Variants in LAMA1 observed in about 807,000 individuals in gnomAD.
LAMA1 encodes laminin subunit alpha-1.
In LAMA1, 219 loss-of-function variants were observed where a neutral mutation model predicts 348.7. The ratio of observed to expected loss-of-function variants is 0.63; its 90% CI spans 0.56 to 0.70. The LOEUF is 0.70. Among genes scored for constraint, LAMA1 ranks in the 30% least tolerant of loss-of-function variants. The pLI, the probability that LAMA1 is intolerant of heterozygous loss-of-function variation, is 0.00. For missense variants in LAMA1, 3,744 were observed against 3,888.0 expected, an observed-to-expected ratio of 0.96 and a Z score of 0.99; for synonymous variants, 1,487 against 1,491.0, an observed-to-expected ratio of 1.00 and a Z score of 0.06.
chr18:7,036,264 A>G (rs1421627992), intron 12 of LAMA1, among the ~76,000 whole-genome samples, 176 bp from the exon 13 acceptor site: 1 of 152,248 alleles, frequency 6.6e-6, no homozygotes, highest in African/African-American at 2.4e-5. Flanking sequence ...ATATTCATAA[A>G]CATTTTGGTT....
chr18:7,009,494 G>A, intron 26 of LAMA1, 128 bp from the exon 27 acceptor site: 2 of 1,023,752 alleles, frequency 2.0e-6, no homozygotes, highest in African/African-American at 1.6e-5. Context: ...GCCACTGAGT[G>A]TAACTGACAA....
In LAMA1 at chr18:6,978,307, T is replaced by G; in HGVS notation, c.6079A>C (p.Arg2027=). 6.2e-7 allele frequency: 1 copy of G among 1,614,238 alleles called. No individual in the cohort carries two copies. Among genetic ancestry groups the G allele is most frequent in the Non-Finnish European group, 8.5e-7 (1 of 1,180,046 alleles). The change falls in exon 43 of 63, where the codon AGG becomes CGG. Residue 2027 remains arginine, a synonymous_variant. Transcript: ENST00000389658. ...SASQSAVSTL[R]DVAGLSQELL... ...TCCTGGCTCAGCCCCGCCACGTCCCTCAGCGTGCTCACCGCGCTCTGGCTT... is the reference window on the plus strand; with the variant it reads ...TCCTGGCTCAGCCCCGCCACGTCCCGCAGCGTGCTCACCGCGCTCTGGCTT...
intron 3 of LAMA1, among the ~76,000 whole-genome samples, chr18:7,057,805 T>A (rs947927085): frequency 6.8e-6 from 1 of 147,514 alleles, no homozygotes; most frequent in Non-Finnish European, 1.5e-5. Flanking sequence ...TTTCTTTTTT[T>A]TTTTTTTGAG....
Position 6,959,332 on chromosome 18 carries a change from T to G in LAMA1, c.7778+9A>C. On this transcript the variant is annotated intron_variant, in intron 54 of 62. Transcript: ENST00000389658. ...CTTCATTACACACTGCCTGGCCGCG[T>G]GCAAGTACCTCCGATTCCTGACCAA... The G allele has an allele frequency of 6.2e-7, 1 of 1,614,086 alleles. No homozygotes were observed. Among genetic ancestry groups the G allele is most frequent in the Non-Finnish European group, 8.5e-7 (1 of 1,180,010 alleles).
intron 1 of LAMA1, among the ~76,000 whole-genome samples, chr18:7,084,473 T>G (rs1254341053): frequency 6.6e-6 from 1 of 152,184 alleles, no homozygotes; most frequent in Non-Finnish European, 1.5e-5. Flanking sequence ...AGTCTGCATG[T>G]TTTTTGTTGA....
intron 19 of LAMA1, among the ~76,000 whole-genome samples, chr18:7,018,181 C>T (rs916184084): frequency 2.0e-5 from 3 of 151,228 alleles, no homozygotes; most frequent in Admixed American, 1.3e-4. Context: ...ACTAAAAATA[C>T]AAAAATTAGC....
chr18:7,041,597 G>C (rs963394812), intron 9 of LAMA1, among the ~76,000 whole-genome samples: 4 of 152,208 alleles, frequency 2.6e-5, no homozygotes, highest in African/African-American at 9.6e-5. Context: ...CAATTTGCCA[G>C]TTTTTGAAAC....
intron 24 of LAMA1, 53 bp from the exon 25 acceptor site, chr18:7,011,532 C>T (rs1406299928): frequency 8.8e-6 from 13 of 1,480,476 alleles, no homozygotes; most frequent in Admixed American, 2.0e-5. Context: ...CTTTCCACTC[C>T]AGTTTCATTC....
chr18:7,022,722 T>A (rs943736710), intron 19 of LAMA1, among the ~76,000 whole-genome samples: 2 of 152,172 alleles, frequency 1.3e-5, no homozygotes, highest in Non-Finnish European at 2.9e-5. Context: ...AGGGCTAAGA[T>A]GCACCACACG....
chr18:7,097,939 C>T (rs2058269258), intron 1 of LAMA1, among the ~76,000 whole-genome samples: 1 of 151,014 alleles, frequency 6.6e-6, no homozygotes, highest in South Asian at 2.1e-4. Flanking sequence ...GCTGCCATCT[C>T]GGCTCACTGC....
At chr18:7,043,451 T>C (rs1441768168) in intron 7 of LAMA1, 46 bp from the exon 8 acceptor site, 1 of 1,526,150 alleles carries the variant, frequency 6.6e-7, no homozygotes, top group Admixed American at 1.7e-5. Context: ...ATAGCATGCC[T>C]TATACAAAGA....
intron 3 of LAMA1, among the ~76,000 whole-genome samples, chr18:7,051,797 G>A (rs148602787): frequency 7.2e-4 from 110 of 152,318 alleles, no homozygotes; most frequent in African/African-American, 2.6e-3. Flanking sequence ...AGGATGTGGA[G>A]CAACAGGAAC....
chr18:6,991,865 C>A (rs182655755), intron 36 of LAMA1, among the ~76,000 whole-genome samples: 1 of 152,284 alleles, frequency 6.6e-6, no homozygotes, highest in African/African-American at 2.4e-5. Context: ...GTTTAAATAT[C>A]TCACATGACT....
At position 6,958,494 on chromosome 18, in the gene LAMA1, G is replaced by C. The variant is rs1162438722; in HGVS notation, c.7947C>G (p.Asn2649Lys). The change falls in exon 55 of 63, where the codon AAC (asparagine) becomes AAG (lysine). Residue 2649 changes from asparagine to lysine, a missense_variant. This residue lies in a region of LAMA1 where 1,983 missense variants were observed against 1,934.3 expected (regional missense o/e 1.03). Coordinates refer to ENST00000389658, the MANE Select transcript of LAMA1 (RefSeq NM_005559.4). ...ACACTTACTCCAAATTGAAGATCAG[G>C]TTTTTGATACAGCCATGGAACGATC... is the stretch of plus-strand genomic sequence containing the variant. ...MRRSFHGCIK[N>K]LIFNLELLDF... The C allele has an allele frequency of 1.9e-6, 3 of 1,614,174 alleles. No individual in the cohort carries two copies. The highest frequency in any genetic ancestry group is 2.5e-6 in the Non-Finnish European group (3 of 1,180,042).
At chr18:7,110,412 C>T (rs2058331215) in intron 1 of LAMA1, among the ~76,000 whole-genome samples, 1 of 152,068 alleles carries the variant, frequency 6.6e-6, no homozygotes, top group Non-Finnish European at 1.5e-5. Context: ...ACAGGAGAAA[C>T]AGGGAGGGCA....
chr18:6,996,955 G>T (rs2057783831), intron 33 of LAMA1, among the ~76,000 whole-genome samples: 1 of 152,190 alleles, frequency 6.6e-6, no homozygotes. Context: ...AGGGAGGAGA[G>T]ATTTTGTGCC....
intron 1 of LAMA1, among the ~76,000 whole-genome samples, chr18:7,116,239 G>A (rs1019500884): frequency 3.3e-5 from 5 of 152,132 alleles, no homozygotes; most frequent in African/African-American, 4.8e-5. Context: ...TTTCAATTTC[G>A]GGGAACAATA....
intron 36 of LAMA1, among the ~76,000 whole-genome samples, chr18:6,986,818 G>A (rs1425676821): frequency 6.6e-6 from 1 of 152,138 alleles, no homozygotes; most frequent in African/African-American, 2.4e-5. Context: ...TGAGTGCAAT[G>A]GCTTGATCTC....
chr18:7,013,367 C>G (rs1041980428), intron 23 of LAMA1, among the ~76,000 whole-genome samples: 2 of 152,044 alleles, frequency 1.3e-5, no homozygotes, highest in African/African-American at 4.8e-5. Flanking sequence ...ATTGGGAAAA[C>G]TAACGGAAAC....
Sources: gnomAD v4.1 joint callset for allele counts (sites outside exome capture counted in the v4.1 genomes callset) on GRCh38, gnomAD v4.1.1 for gene constraint, gnomAD v4.1.1 regional missense constraint, MANE v1.5 for transcripts, NCBI Gene and HGNC (gene_info 2026-07-23, HGNC 2026-07-21) for gene names.